TGM1: variants seen among roughly 807,000 people sequenced by gnomAD.
TGM1 encodes protein-glutamine gamma-glutamyltransferase K.
In TGM1, 63 loss-of-function variants were observed where a neutral mutation model predicts 88.7. The ratio of observed to expected loss-of-function variants is 0.71; its 90% CI spans 0.58 to 0.88. TGM1 has a LOEUF of 0.88. Ranked by LOEUF, TGM1 falls within the 40% of genes least tolerant of loss-of-function variation. TGM1 has a pLI of 0.00. For synonymous variants in TGM1, 415 were observed against 431.1 expected (o/e 0.96, Z 0.46); for missense variants, 996 against 1,118.0 (o/e 0.89, Z 1.56).
At chr14:24,253,026 G>T (rs951958085) in intron 14 of TGM1, among the ~76,000 whole-genome samples, 1 of 152,198 alleles carries the variant, frequency 6.6e-6, no homozygotes, top group Non-Finnish European at 1.5e-5. Context: ...GGCCCAGACG[G>T]GCTGGGTAAG....
chr14:24,261,944 G>A (rs2040814244), intron 2 of TGM1, 61 bp from the exon 3 acceptor site: 1 of 1,609,922 alleles, frequency 6.2e-7, no homozygotes. Flanking sequence ...CTTATCATTA[G>A]CTTCCTATCC....
In TGM1 at chr14:24,255,600, C is replaced by T; in HGVS notation, c.1492-83G>A. ...ACTCCCGGCCTCCTTCCCCTGATCCCAGGAGCTATGGGACAGGGCTTGGTC... is the reference window on the plus strand; with the variant it reads ...ACTCCCGGCCTCCTTCCCCTGATCCTAGGAGCTATGGGACAGGGCTTGGTC... On this transcript the variant is annotated intron_variant, in intron 10 of 14. Transcript: ENST00000206765. The surrounding 1 kb of genome is among the most constrained non-coding windows in gnomAD (Gnocchi z 4.0). 6.4e-7 allele frequency: 1 copy of T among 1,574,640 alleles called. No homozygotes were observed. The highest frequency in any genetic ancestry group is 8.7e-7 in the Non-Finnish European group (1 of 1,152,448).
intron 9 of TGM1, among the ~76,000 whole-genome samples, chr14:24,257,115 G>A (rs1057107825): frequency 1.3e-5 from 2 of 152,192 alleles, no homozygotes; most frequent in Non-Finnish European, 2.9e-5. Context: ...GCTCAGATCT[G>A]CCAGCGTCTG....
Position 24,259,929 on chromosome 14 carries a change from C to A in TGM1, c.876+11G>T, listed in dbSNP as rs758243924. 6.2e-7 allele frequency: 1 copy of A among 1,613,184 alleles called. No individual in the cohort carries two copies. Among genetic ancestry groups the A allele is most frequent in the Non-Finnish European group, 8.5e-7 (1 of 1,179,132 alleles). ...TCTGGGTGTATGTGACCCTGGCCAG[C>A]CGCACCATACCTGGCCGTAGTTCCA... On this transcript the variant is annotated intron_variant, in intron 5 of 14. Coordinates refer to ENST00000206765, the MANE Select transcript of TGM1 (RefSeq NM_000359.3). This position sits in a 1 kb window ranked among gnomAD's most constrained non-coding sequence, Gnocchi z 5.7.
chr14:24,250,179 T>TGTGTGA (rs138497842), intron 14 of TGM1, among the ~76,000 whole-genome samples: 325 of 140,796 alleles, frequency 2.3e-3, no homozygotes, highest in Middle Eastern at 6.8e-3. Flanking sequence ...TGTGTGTGTG[T>TGTGTGA]GAGAGAGACA....
intron 14 of TGM1, among the ~76,000 whole-genome samples, chr14:24,250,694 C>G (rs1046667480): frequency 3.3e-5 from 5 of 152,342 alleles, no homozygotes; most frequent in African/African-American, 1.2e-4. Context: ...CCCCTGAGCA[C>G]CTCCTGCCTC....
intron 14 of TGM1, 40 bp downstream of exon 14, chr14:24,254,112 C>G (rs745738557): frequency 6.3e-7 from 1 of 1,590,884 alleles, no homozygotes; most frequent in Admixed American, 1.8e-5. Context: ...GTGGGGAAGG[C>G]CAGAGTGGAA....
Position 24,259,755 on chromosome 14 carries a change from T to C in TGM1, c.933A>G (p.Pro311=), listed in dbSNP as rs1339639143. 1.2e-6 allele frequency: 2 copies of C among 1,612,380 alleles called. No individual in the cohort carries two copies. The highest frequency in any genetic ancestry group is 1.7e-6 in the Non-Finnish European group (2 of 1,179,512). The change falls in exon 6 of 15, where the codon CCA becomes CCG. Residue 311 remains proline (P), a synonymous_variant. Coordinates refer to ENST00000206765, the MANE Select transcript of TGM1 (RefSeq NM_000359.3). This position sits in a 1 kb window ranked among gnomAD's most constrained non-coding sequence, Gnocchi z 5.7. ...CLYILDRRGM[P]YGGRGDPVNV... ...TGACTGGGTCTCCACGGCCTCCATATGGCATCCCCCGCCGGTCCAGGATGT... is the reference window on the plus strand; with the variant it reads ...TGACTGGGTCTCCACGGCCTCCATACGGCATCCCCCGCCGGTCCAGGATGT...
intron 3 of TGM1, among the ~76,000 whole-genome samples, chr14:24,261,387 G>T (rs993137322): frequency 2.6e-5 from 4 of 152,116 alleles, no homozygotes; most frequent in African/African-American, 7.2e-5. Flanking sequence ...CACATCCTGG[G>T]GAATGAGAAC....
rs539904518 is a variant in TGM1, at chr14:24,259,946, G to A, written c.870C>T (p.Tyr290=). The stretch of plus-strand genomic sequence containing the variant: ...CTGGCCAGCCGCACCATACCTGGCC[G>A]TAGTTCCAGGTCCGCTCACCAATCT... ...EAQIGERTWN[Y]GQFDHGVLDA... Residue 290 remains tyrosine, a synonymous_variant, in exon 5 of 15, where the codon TAC becomes TAT. Transcript: ENST00000206765. This position sits in a 1 kb window ranked among gnomAD's most constrained non-coding sequence, Gnocchi z 5.7. The A allele has an allele frequency of 5.6e-5, 91 of 1,613,914 alleles. No individual in the cohort carries two copies. Among genetic ancestry groups the A allele is most frequent in the African/African-American group, 6.7e-5 (5 of 75,046 alleles).
chr14:24,251,611 T>G (rs1422062553), intron 14 of TGM1, among the ~76,000 whole-genome samples: 3 of 152,220 alleles, frequency 2.0e-5, no homozygotes, highest in Admixed American at 2.0e-4. Context: ...ACACCAGAAC[T>G]TAGACGTCGA....
chr14:24,260,769 C>G (rs2040802369), intron 3 of TGM1, 71 bp from the exon 4 acceptor site: 1 of 1,604,260 alleles, frequency 6.2e-7, no homozygotes, highest in Non-Finnish European at 8.5e-7. Flanking sequence ...GGGACTTCTC[C>G]CGGCCCCACC....
intron 9 of TGM1, 106 bp from the exon 10 acceptor site, chr14:24,256,183 C>CG: frequency 1.1e-6 from 1 of 921,990 alleles, no homozygotes; most frequent in Non-Finnish European, 1.7e-6. Context: ...CACTCAGGCC[C>CG]GGTCCCACTG....
At chr14:24,258,246 T>C in intron 9 of TGM1, 39 bp downstream of exon 9, 1 of 1,533,552 alleles carries the variant, frequency 6.5e-7, no homozygotes, top group Non-Finnish European at 9.0e-7. Flanking sequence ...GTGGGGGAGA[T>C]AAGCAGGGGC....
intron 9 of TGM1, among the ~76,000 whole-genome samples, chr14:24,257,479 T>C (rs1357361932): frequency 6.6e-6 from 1 of 152,268 alleles, no homozygotes; most frequent in Non-Finnish European, 1.5e-5. Flanking sequence ...GGCTATTTTC[T>C]TCTTTGAACC....
At position 24,255,064 on chromosome 14, in the gene TGM1, A is replaced by G; in HGVS notation, c.1835T>C (p.Leu612Pro). The G allele has an allele frequency of 3.7e-6, 6 of 1,614,158 alleles. No individual in the cohort carries two copies. The highest frequency in any genetic ancestry group is 5.1e-6 in the Non-Finnish European group (6 of 1,180,038). Residue 612 changes from leucine to proline, a missense_variant, in exon 12 of 15, where the codon CTG becomes CCG. By Grantham distance (98) the Leu-to-Pro change is moderately conservative. Transcript: ENST00000206765. The surrounding 1 kb of genome is among the most constrained non-coding windows in gnomAD (Gnocchi z 4.0). ...GAAAGTGACTGAGAGGTAGAGGTGC[A>G]GTTTCACTGTGCGGCGGCTGCTGCT... ...NHSSSRRTVK[L>P]HLYLSVTFYT...
Position 24,260,701 on chromosome 14 carries a change from A to C in TGM1, c.509-3T>G. On this transcript the variant is annotated splice_polypyrimidine_tract_variant and splice_region_variant and intron_variant, in intron 3 of 14. Coordinates refer to ENST00000206765, the MANE Select transcript of TGM1 (RefSeq NM_000359.3). The stretch of plus-strand genomic sequence containing the variant: ...CTTGCCCACCTCGGGGTTGTTTCCT[A>C]GAGTAGGAAATCAGCAATTAGCTGG... 6.2e-7 allele frequency: 1 copy of C among 1,613,926 alleles called. No individual in the cohort carries two copies. The highest frequency in any genetic ancestry group is 8.5e-7 in the Non-Finnish European group (1 of 1,179,982).
At chr14:24,256,621 T>C (rs2040753717) in intron 9 of TGM1, among the ~76,000 whole-genome samples, 1 of 152,098 alleles carries the variant, frequency 6.6e-6, no homozygotes, top group Admixed American at 6.5e-5. Flanking sequence ...TGGTGGGAAA[T>C]AGAGTCTGCC....
At chr14:24,254,897 C>T in intron 12 of TGM1, 73 bp from the exon 13 acceptor site, 1 of 1,612,428 alleles carries the variant, frequency 6.2e-7, no homozygotes, top group Non-Finnish European at 8.5e-7. Flanking sequence ...CTCCCCACTG[C>T]TCCTGGGGTC....
Sources: gnomAD v4.1 joint callset for allele counts (sites outside exome capture counted in the v4.1 genomes callset) on GRCh38, gnomAD v4.1.1 for gene constraint, Gnocchi (gnomAD v3.1) non-coding constraint, MANE v1.5 for transcripts, NCBI Gene and HGNC (gene_info 2026-07-23, HGNC 2026-07-21) for gene names.